Variants in PTPN13 observed in about 807,000 individuals in gnomAD.
PTPN13 encodes protein tyrosine phosphatase non-receptor type 13.
PTPN13 carries 191 observed loss-of-function variants against 284.0 expected under a neutral mutation model. The ratio of observed to expected loss-of-function variants is 0.67; its 90% CI spans 0.60 to 0.76. The LOEUF (loss-of-function observed/expected upper bound fraction) is 0.76, where lower values mean the gene tolerates loss of function less well. Among genes scored for constraint, PTPN13 ranks in the 30% least tolerant of loss-of-function variants. PTPN13 has a pLI of 0.00. For missense variants in PTPN13, 2,797 were observed against 2,939.9 expected (o/e 0.95, Z 1.12); for synonymous variants, 986 against 1,022.3 (o/e 0.96, Z 0.68).
chr4:86,598,106 T>C lies in PTPN13; in HGVS notation c.-6+3317T>C, dbSNP rs552733879. On this transcript the variant is annotated intron_variant, in intron 1 of 47. Coordinates refer to ENST00000411767, the MANE Select transcript of PTPN13 (RefSeq NM_080683.3). The stretch of plus-strand genomic sequence containing the variant: ...TCCTAGAGACTAAGTTTATTTTTAA[T>C]AATTTAATAATATATACTTCTCAAG... 3.9e-5 allele frequency among the ~76,000 whole-genome samples: 6 copies of C among 152,030 alleles called. No homozygotes were observed. In the East Asian group the frequency reaches 1.2e-3, roughly 29 times the overall value.
chr4:86,717,551 CTCTT>C (rs1733178393), intron 9 of PTPN13, among the ~76,000 whole-genome samples: 2 of 151,926 alleles, frequency 1.3e-5, no homozygotes, highest in African/African-American at 2.4e-5. Flanking sequence ...TCCCCTAGCT[CTCTT>C]TGTTTTTATA....
chr4:86,743,780 A>G (rs989395345), intron 16 of PTPN13, among the ~76,000 whole-genome samples: 4 of 152,112 alleles, frequency 2.6e-5, no homozygotes, highest in African/African-American at 9.7e-5. Flanking sequence ...TCTGGGTAAT[A>G]CTCTGTTATT....
At chr4:86,667,414 T>G (rs2148874285) in intron 2 of PTPN13, among the ~76,000 whole-genome samples, 1 of 152,320 alleles carries the variant, frequency 6.6e-6, no homozygotes, top group South Asian at 2.1e-4. Context: ...AGTTTTTTTT[T>G]TAAGTAGTAA....
Position 86,734,648 on chromosome 4 carries a change from A to G in PTPN13, c.2013-89A>G. Reference sequence around the variant, plus strand: ...TAATAATAAGCTTAGTAATAAACTCATGGAAATTAACCTTACATGCCTATA... The same window carrying G: ...TAATAATAAGCTTAGTAATAAACTCGTGGAAATTAACCTTACATGCCTATA... On this transcript the variant is annotated intron_variant, in intron 13 of 47. Transcript: ENST00000411767. 4.9e-6 allele frequency: 7 copies of G among 1,436,374 alleles called. No homozygotes were observed. The South Asian group carries it at 1.0e-4, about 21-fold the overall frequency. 89.0% of individuals were successfully genotyped at this position (1,436,374 alleles called of 1,614,324 possible). A position where few individuals can be genotyped will look rare whatever the true frequency, so the allele number is the denominator to read the frequency against.
At chr4:86,635,994 C>T (rs767275151) in intron 2 of PTPN13, among the ~76,000 whole-genome samples, 4 of 151,936 alleles carry the variant, frequency 2.6e-5, no homozygotes, top group South Asian at 2.1e-4. Context: ...CACTCACACA[C>T]GAACACATTT....
intron 40 of PTPN13, among the ~76,000 whole-genome samples, chr4:86,792,025 T>G (rs1215442563): frequency 6.6e-6 from 1 of 151,840 alleles, no homozygotes; most frequent in Non-Finnish European, 1.5e-5. Context: ...TTGACAGAAA[T>G]AGACTTCAGA....
intron 5 of PTPN13, among the ~76,000 whole-genome samples, chr4:86,690,914 A>G (rs1322309768): frequency 6.6e-6 from 1 of 152,174 alleles, no homozygotes; most frequent in Non-Finnish European, 1.5e-5. Flanking sequence ...TACAAATTTG[A>G]ATAAAATATT....
chr4:86,679,952 T>C (rs1003693755), intron 3 of PTPN13, among the ~76,000 whole-genome samples: 3 of 152,214 alleles, frequency 2.0e-5, no homozygotes, highest in Non-Finnish European at 2.9e-5. Context: ...GGGCTCTGGA[T>C]TGAATTCTGG....
intron 28 of PTPN13, among the ~76,000 whole-genome samples, chr4:86,768,572 C>T (rs1394322919): frequency 6.6e-6 from 1 of 151,980 alleles, no homozygotes; most frequent in Non-Finnish European, 1.5e-5. Context: ...TTATTTTACA[C>T]AAACGTTAGC....
rs750615132 is a variant in PTPN13 at position 86,701,814 on chromosome 4, G to T, written c.1195+13G>T. 1 of 1,561,342 alleles carries T rather than the reference G, an allele frequency of 6.4e-7. No homozygotes were observed. The highest frequency in any genetic ancestry group is 8.7e-7 in the Non-Finnish European group (1 of 1,154,726). On this transcript the variant is annotated intron_variant, in intron 7 of 47. Coordinates refer to ENST00000411767, the MANE Select transcript of PTPN13 (RefSeq NM_080683.3). ...ATGAATGTAGAAGGTTAGTAATTCT[G>T]TGCATGTTTGAGAAAGAATTGAAGT...
At chr4:86,785,170 T>C (rs1186209598) in intron 38 of PTPN13, 61 bp from the exon 39 acceptor site, 8 of 1,302,442 alleles carry the variant, frequency 6.1e-6, no homozygotes, top group Non-Finnish European at 8.3e-6. Context: ...TTTAACACCT[T>C]GTCCCTTTCT....
intron 42 of PTPN13, among the ~76,000 whole-genome samples, chr4:86,799,853 T>G (rs796943863): frequency 1.5e-5 from 2 of 134,734 alleles, no homozygotes; most frequent in African/African-American, 5.6e-5. Flanking sequence ...TTTTTTTTTT[T>G]GAGACAGAGT....
At chr4:86,645,814 G>A (rs1002491930) in intron 2 of PTPN13, among the ~76,000 whole-genome samples, 4 of 151,398 alleles carry the variant, frequency 2.6e-5, no homozygotes, top group Non-Finnish European at 5.9e-5. Flanking sequence ...ATTTTTTTTT[G>A]TAGAAAATGA....
At chr4:86,618,066 C>T (rs1455024843) in intron 1 of PTPN13, among the ~76,000 whole-genome samples, 1 of 152,128 alleles carries the variant, frequency 6.6e-6, no homozygotes, top group South Asian at 2.1e-4. Context: ...TTAGGTCTAA[C>T]GTTTAAATCT....
chr4:86,693,071 T>TAA (rs34543988), intron 5 of PTPN13, among the ~76,000 whole-genome samples: 15 of 112,290 alleles, frequency 1.3e-4, no homozygotes, highest in South Asian at 3.3e-4. Flanking sequence ...CCGTTATATT[T>TAA]AAAAAAAAAA....
In PTPN13 at chr4:86,609,139, A is replaced by C. The variant is rs144887030; in HGVS notation, c.-6+14350A>C. Among the ~76,000 whole-genome samples the C allele has an allele frequency of 1.2e-3, 177 of 152,300 alleles. 2 individuals are homozygous for C. Among genetic ancestry groups the C allele is most frequent in the African/African-American group, 4.1e-3 (169 of 41,568 alleles). ...TTCTTTGAGACATAAAATTGAAATCACTATTAATCCTTTCCCTCAACTGGC... is the reference window on the plus strand; with the variant it reads ...TTCTTTGAGACATAAAATTGAAATCCCTATTAATCCTTTCCCTCAACTGGC... On this transcript the variant is annotated intron_variant, in intron 1 of 47. Coordinates refer to ENST00000411767, the MANE Select transcript of PTPN13 (RefSeq NM_080683.3).
chr4:86,774,272 G>A, intron 32 of PTPN13, 101 bp from the exon 33 acceptor site: 1 of 1,169,146 alleles, frequency 8.6e-7, no homozygotes, highest in Non-Finnish European at 1.2e-6. Flanking sequence ...AACCTTTTAA[G>A]GTTTGACTTT....
Position 86,701,598 on chromosome 4 carries a change from T to G in PTPN13, c.992T>G (p.Val331Gly), listed in dbSNP as rs1389545979. Reference protein sequence around the residue: ...YRRCHPEAVTVRTSTTPRKKE... With the variant: ...YRRCHPEAVTGRTSTTPRKKE... The stretch of plus-strand genomic sequence containing the variant: ...CGTTGTCACCCTGAGGCAGTAACAG[T>G]GCGGACTTCAACTACTCCTAGAAAA... The change falls in exon 7 of 48, where the codon GTG becomes GGG. Residue 331 changes from valine to glycine, a missense_variant. Transcript: ENST00000411767. 7 of 1,613,902 alleles carry G rather than the reference T, an allele frequency of 4.3e-6. No homozygotes were observed. The highest frequency in any genetic ancestry group is 1.3e-5 in the African/African-American group (1 of 75,020).
intron 1 of PTPN13, among the ~76,000 whole-genome samples, chr4:86,615,355 T>C (rs764492731): frequency 6.6e-6 from 1 of 152,138 alleles, no homozygotes; most frequent in Non-Finnish European, 1.5e-5. Context: ...ATCTGATACT[T>C]ACATGACTGT....
Sources: gnomAD v4.1 joint callset for allele counts (sites outside exome capture counted in the v4.1 genomes callset) on GRCh38, gnomAD v4.1.1 for gene constraint, MANE v1.5 for transcripts, NCBI Gene and HGNC (gene_info 2026-07-23, HGNC 2026-07-21) for gene names.